Variants in ARHGAP44 observed in about 807,000 individuals in gnomAD.
The protein encoded by ARHGAP44 is rho GTPase-activating protein 44.
In ARHGAP44, 43 loss-of-function variants were observed where a neutral mutation model predicts 106.8. The ratio of observed to expected loss-of-function variants is 0.40; its 90% CI spans 0.32 to 0.52. The LOEUF is 0.52. ARHGAP44 is among the 20% of genes least tolerant of loss of function. The pLI is 0.48. For missense variants in ARHGAP44, 866 were observed against 1,050.5 expected (o/e 0.82, Z 2.43); for synonymous variants, 439 against 410.3 (o/e 1.07, Z -0.85).
At chr17:12,876,288 C>A (rs1443435558) in intron 1 of ARHGAP44, among the ~76,000 whole-genome samples, 1 of 152,148 alleles carries the variant, frequency 6.6e-6, no homozygotes, top group Non-Finnish European at 1.5e-5. Flanking sequence ...TAATTCCCTC[C>A]CACGAAAACC....
rs182623411 is a variant in ARHGAP44 at position 12,923,231 on chromosome 17, A to G, written c.464+3400A>G. Among the ~76,000 whole-genome samples, 178 of 151,962 alleles carry G rather than the reference A, an allele frequency of 1.2e-3. 1 individual carries two copies. Among genetic ancestry groups the G allele is most frequent in the Non-Finnish European group, 3.7e-4 (25 of 67,974 alleles). The stretch of plus-strand genomic sequence containing the variant: ...TTGTTTGTTTTTTCGTTTTTTTGAG[A>G]CAGAGTTTTGCTCTTGTTGCCCAGG... On this transcript the variant is annotated intron_variant, in intron 6 of 20. Coordinates refer to ENST00000379672, the MANE Select transcript of ARHGAP44 (RefSeq NM_014859.6).
At chr17:12,790,313 T>C in intron 1 of ARHGAP44, 1 of 173,580 alleles carries the variant, frequency 5.8e-6, no homozygotes, top group Non-Finnish European at 1.2e-5. Flanking sequence ...CTGCGCCGAG[T>C]TCAGGGCTGC....
chr17:12,892,356 C>G (rs1428413441), intron 1 of ARHGAP44, among the ~76,000 whole-genome samples: 1 of 145,082 alleles, frequency 6.9e-6, no homozygotes, highest in African/African-American at 2.9e-5. Context: ...TTTCTTTCAC[C>G]TTGGTTTCAA....
chr17:12,806,540 A>G (rs1165180858), intron 1 of ARHGAP44, among the ~76,000 whole-genome samples: 1 of 152,150 alleles, frequency 6.6e-6, no homozygotes. Flanking sequence ...CTTATAAGAC[A>G]TGGTTGTGCA....
intron 3 of ARHGAP44, among the ~76,000 whole-genome samples, chr17:12,903,138 AGAGTGTGTGTGTGTGTGTGTGT>A (rs2037441629): frequency 1.1e-4 from 10 of 94,750 alleles, no homozygotes; most frequent in African/African-American, 4.0e-4. Flanking sequence ...AGAGAGAGAG[AGAGTGTGTGTGTGTGTGTGTGT>A]GTGTGTGTGT....
At chr17:12,852,564 T>TTTTTTAC (rs2035784293) in intron 1 of ARHGAP44, among the ~76,000 whole-genome samples, 4 of 149,528 alleles carry the variant, frequency 2.7e-5, no homozygotes, top group South Asian at 4.2e-4. Context: ...TTTTTTTTGA[T>TTTTTTAC]GGCATCTTGC....
At chr17:12,889,852 A>G (rs374346230) in intron 1 of ARHGAP44, among the ~76,000 whole-genome samples, 44 of 152,142 alleles carry the variant, frequency 2.9e-4, no homozygotes, top group East Asian at 2.9e-3. Flanking sequence ...AGATGTTCCT[A>G]TCTCAAAAGA....
At chr17:12,829,603 A>G (rs1213809726) in intron 1 of ARHGAP44, among the ~76,000 whole-genome samples, 3 of 152,166 alleles carry the variant, frequency 2.0e-5, no homozygotes, top group Non-Finnish European at 2.9e-5. Flanking sequence ...TCATTTGATT[A>G]TATCACACTC....
intron 17 of ARHGAP44, 62 bp downstream of exon 17, chr17:12,973,381 A>G (rs924169866): frequency 3.9e-6 from 6 of 1,551,506 alleles, no homozygotes; most frequent in Non-Finnish European, 5.3e-6. Flanking sequence ...CCACCTATGC[A>G]TCGTAGTGAG....
intron 1 of ARHGAP44, among the ~76,000 whole-genome samples, chr17:12,869,238 A>G (rs1053186915): frequency 6.6e-6 from 1 of 152,142 alleles, no homozygotes; most frequent in African/African-American, 2.4e-5. Context: ...GAAAATTCCC[A>G]TTTTAGGACG....
At chr17:12,864,307 G>A (rs143466379) in intron 1 of ARHGAP44, among the ~76,000 whole-genome samples, 160 of 152,160 alleles carry the variant, frequency 1.1e-3, no homozygotes, top group Non-Finnish European at 1.8e-3. Flanking sequence ...GTCTTCTTTG[G>A]CAACTGGTGT....
chr17:12,793,940 T>C (rs1025565928), intron 1 of ARHGAP44, among the ~76,000 whole-genome samples: 1 of 152,138 alleles, frequency 6.6e-6, no homozygotes, highest in African/African-American at 2.4e-5. Flanking sequence ...GGGGAGTCTT[T>C]TGAAGTAGTT....
chr17:12,904,914 A>G (rs2037500640), intron 3 of ARHGAP44, among the ~76,000 whole-genome samples: 1 of 151,802 alleles, frequency 6.6e-6, no homozygotes, highest in South Asian at 2.1e-4. Flanking sequence ...TTATTTATTT[A>G]TTTTTGAGAC....
chr17:12,948,330 C>T (rs1003338763), intron 10 of ARHGAP44, among the ~76,000 whole-genome samples: 8 of 152,188 alleles, frequency 5.3e-5, no homozygotes. Context: ...TCACAAACCA[C>T]CCCACCCAGT....
At chr17:12,909,037 G>T in intron 4 of ARHGAP44, 64 bp downstream of exon 4, 1 of 1,370,792 alleles carries the variant, frequency 7.3e-7, no homozygotes, top group Non-Finnish European at 9.9e-7. Flanking sequence ...GTGAAAAGGG[G>T]ACTAGACCCT....
intron 3 of ARHGAP44, among the ~76,000 whole-genome samples, chr17:12,903,146 T>G (rs1011727303): frequency 1.5e-4 from 18 of 122,528 alleles, no homozygotes; most frequent in African/African-American, 7.8e-4. Flanking sequence ...AGAGAGTGTG[T>G]GTGTGTGTGT....
intron 15 of ARHGAP44, among the ~76,000 whole-genome samples, chr17:12,957,798 G>A (rs948932173): frequency 6.6e-6 from 1 of 152,196 alleles, no homozygotes; most frequent in African/African-American, 2.4e-5. Context: ...ATGTTTGGTA[G>A]ACATTAAGGG....
At chr17:12,888,080 TTTG>T (rs2036934659) in intron 1 of ARHGAP44, among the ~76,000 whole-genome samples, 1 of 152,044 alleles carries the variant, frequency 6.6e-6, no homozygotes, top group Non-Finnish European at 1.5e-5. Context: ...TTCTTTAGTT[TTTG>T]TTGTTGTGTT....
chr17:12,974,564 G>A (rs556921926), intron 18 of ARHGAP44, among the ~76,000 whole-genome samples: 39 of 152,242 alleles, frequency 2.6e-4, no homozygotes, highest in African/African-American at 9.1e-4. Context: ...CGAAGGCAGG[G>A]TGAAGAGTCT....
Sources: gnomAD v4.1 joint callset for allele counts (sites outside exome capture counted in the v4.1 genomes callset) on GRCh38, gnomAD v4.1.1 for gene constraint, MANE v1.5 for transcripts, NCBI Gene and HGNC (gene_info 2026-07-23, HGNC 2026-07-21) for gene names.